Variants in AGBL4 observed in about 807,000 individuals in gnomAD.
AGBL4 encodes the protein cytosolic carboxypeptidase 6.
In AGBL4, 58 loss-of-function variants were observed where a neutral mutation model predicts 66.4. That is an observed-to-expected ratio of 0.87 (90% confidence interval 0.71 to 1.09). The LOEUF (loss-of-function observed/expected upper bound fraction) is 1.09, where lower values mean the gene tolerates loss of function less well. Ranked by LOEUF, AGBL4 falls within the 50% of genes least tolerant of loss-of-function variation. The probability of loss-of-function intolerance (pLI) is 0.00; values close to 1 mark genes in which losing one functional copy is unlikely to be tolerated. For missense variants in AGBL4, 579 were observed against 631.0 expected (o/e 0.92, Z 0.88); for synonymous variants, 234 against 222.9 (o/e 1.05, Z -0.44).
intron 6 of AGBL4, among the ~76,000 whole-genome samples, chr1:48,791,754 G>A (rs1645556971): frequency 2.6e-5 from 4 of 152,172 alleles, no homozygotes; most frequent in Non-Finnish European, 5.9e-5. Context: ...AATTAAATAA[G>A]AGCATAAGGC....
At chr1:49,979,578 A>T (rs548230611) in intron 1 of AGBL4, among the ~76,000 whole-genome samples, 10 of 152,316 alleles carry the variant, frequency 6.6e-5, no homozygotes, top group Admixed American at 2.0e-4. Context: ...CATAAAATTA[A>T]CAGTAGTACA....
At chr1:48,554,111 C>T (rs1235017796) in intron 11 of AGBL4, among the ~76,000 whole-genome samples, 1 of 152,150 alleles carries the variant, frequency 6.6e-6, no homozygotes, top group Non-Finnish European at 1.5e-5. Flanking sequence ...AGCATCAAAT[C>T]CTGGGCTCAG....
At chr1:49,800,249 C>T (rs1264573812) in intron 2 of AGBL4, among the ~76,000 whole-genome samples, 1 of 152,202 alleles carries the variant, frequency 6.6e-6, no homozygotes, top group Admixed American at 6.5e-5. Context: ...ATTACAAGTA[C>T]ATGATTTCAT....
intron 1 of AGBL4, among the ~76,000 whole-genome samples, chr1:49,942,570 C>T (rs572607301): frequency 1.3e-5 from 2 of 152,162 alleles, no homozygotes; most frequent in South Asian, 2.1e-4. Flanking sequence ...GTGTCAAGAA[C>T]ATACCATAAT....
At chr1:49,577,592 A>G (rs887877350) in intron 3 of AGBL4, among the ~76,000 whole-genome samples, 31 of 152,300 alleles carry the variant, frequency 2.0e-4, no homozygotes, top group South Asian at 2.1e-4. Context: ...CCTGCACGCA[A>G]TGCTTCTGCC....
intron 3 of AGBL4, among the ~76,000 whole-genome samples, chr1:49,353,182 C>T (rs1455137841): frequency 2.0e-5 from 3 of 152,182 alleles, no homozygotes; most frequent in African/African-American, 4.8e-5. Flanking sequence ...TCTAGTCCGT[C>T]TCTGCTGTTA....
At chr1:49,378,779 T>C (rs1383290097) in intron 3 of AGBL4, among the ~76,000 whole-genome samples, 1 of 152,116 alleles carries the variant, frequency 6.6e-6, no homozygotes, top group Non-Finnish European at 1.5e-5. Flanking sequence ...ATGGGAAATC[T>C]GAGCACAAGT....
intron 5 of AGBL4, among the ~76,000 whole-genome samples, chr1:48,982,912 T>C (rs1659892803): frequency 6.6e-6 from 1 of 152,184 alleles, no homozygotes; most frequent in South Asian, 2.1e-4. Context: ...TGTGAGATGG[T>C]ATCTCATTGT....
intron 5 of AGBL4, among the ~76,000 whole-genome samples, chr1:48,981,334 T>A (rs1311991793): frequency 6.6e-6 from 1 of 152,166 alleles, no homozygotes; most frequent in Non-Finnish European, 1.5e-5. Context: ...TTTATATATG[T>A]TCTAAGGACT....
chr1:49,188,415 C>T lies in AGBL4; in HGVS notation c.377+57355G>A, dbSNP rs578095230. On this transcript the variant is annotated intron_variant, in intron 4 of 13. Transcript: ENST00000371839. ...GCTCACCCACTAGACAGAATATTTA[C>T]TGATTAATTAAACAAATAATATGTA... Among the ~76,000 whole-genome samples, 33 of 152,224 alleles carry T rather than the reference C, an allele frequency of 2.2e-4. No individual in the cohort carries two copies. In the East Asian group the frequency reaches 6.0e-3, roughly 28 times the overall value.
chr1:49,013,767 C>A (rs907964522), intron 5 of AGBL4, among the ~76,000 whole-genome samples: 2 of 152,156 alleles, frequency 1.3e-5, no homozygotes, highest in African/African-American at 4.8e-5. Flanking sequence ...GCACTTAACC[C>A]TGCCACTTTC....
At chr1:49,696,317 A>C (rs1237745795) in intron 3 of AGBL4, among the ~76,000 whole-genome samples, 2 of 152,052 alleles carry the variant, frequency 1.3e-5, no homozygotes, top group African/African-American at 4.8e-5. Flanking sequence ...TTTCATCAAT[A>C]CTGTCTCTCA....
At chr1:49,347,827 T>A (rs754154696) in intron 3 of AGBL4, among the ~76,000 whole-genome samples, 2 of 151,572 alleles carry the variant, frequency 1.3e-5, no homozygotes, top group Non-Finnish European at 2.9e-5. Flanking sequence ...GCCACTCTAC[T>A]CCAGCCTGGC....
At chr1:48,961,046 A>C (rs969378825) in intron 5 of AGBL4, among the ~76,000 whole-genome samples, 5 of 151,308 alleles carry the variant, frequency 3.3e-5, no homozygotes. Context: ...ACCACATACC[A>C]CTGTTCTCTG....
At chr1:49,194,278 CT>C (rs11296732) in intron 4 of AGBL4, among the ~76,000 whole-genome samples, 141,049 of 151,808 alleles carry the variant, frequency 0.93, 65,630 homozygotes, top group South Asian at 0.95. Flanking sequence ...CCTTTCTTGT[CT>C]TTTTTTTTAC....
chr1:49,138,615 G>C (rs1306910429), intron 4 of AGBL4, among the ~76,000 whole-genome samples: 1 of 152,128 alleles, frequency 6.6e-6, no homozygotes, highest in Non-Finnish European at 1.5e-5. Context: ...TGATCTTTCT[G>C]TGGCTCTGTT....
intron 5 of AGBL4, among the ~76,000 whole-genome samples, chr1:48,902,461 A>G (rs1487961654): frequency 6.6e-6 from 1 of 152,114 alleles, no homozygotes; most frequent in African/African-American, 2.4e-5. Flanking sequence ...GATGCTGAGA[A>G]GTAGAAGGAT....
At chr1:48,899,890 T>C (rs1027333603) in intron 5 of AGBL4, among the ~76,000 whole-genome samples, 1 of 152,216 alleles carries the variant, frequency 6.6e-6, no homozygotes, top group Non-Finnish European at 1.5e-5. Context: ...TATTCATGTA[T>C]ATGATTTCAC....
intron 4 of AGBL4, among the ~76,000 whole-genome samples, chr1:49,245,097 A>C (rs1006197556): frequency 6.6e-6 from 1 of 151,770 alleles, no homozygotes; most frequent in Non-Finnish European, 1.5e-5. Flanking sequence ...AGTAACAACA[A>C]ATATAAAGCA....
Sources: gnomAD v4.1 joint callset for allele counts (sites outside exome capture counted in the v4.1 genomes callset) on GRCh38, gnomAD v4.1.1 for gene constraint, MANE v1.5 for transcripts, NCBI Gene and HGNC (gene_info 2026-07-23, HGNC 2026-07-21) for gene names.